The following ATP5F1E variants were observed in gnomAD, a reference collection of about 807,000 sequenced individuals.
ATP5F1E encodes ATP synthase F1 subunit epsilon, also known as ATP synthase F(1) complex subunit epsilon, mitochondrial.
ATP5F1E carries 5 observed loss-of-function variants against 7.0 expected under a neutral mutation model. That is an observed-to-expected ratio of 0.71 (90% CI 0.37 to 1.49). The LOEUF is 1.49. ATP5F1E is among the 40% of genes most tolerant of loss of function. The pLI is 0.03. For synonymous variants in ATP5F1E, 20 were observed against 20.1 expected, an observed-to-expected ratio of 0.99 and a Z score of 0.02; for missense variants, 59 against 57.1, an observed-to-expected ratio of 1.03 and a Z score of -0.11.
chr20:59,027,347 C>T lies in ATP5F1E; in HGVS notation c.*1498G>A, dbSNP rs1224412215. ...CCAATCTACCATACCATCTATATAC[C>T]AGTAATACCCCATCTGCCTCCTTAA... On this transcript the variant is annotated 3_prime_UTR_variant, in exon 3 of 3. Transcript: ENST00000243997. 1 of 151,738 alleles carries T rather than the reference C, an allele frequency of 6.6e-6. No individual in the cohort carries two copies. Among genetic ancestry groups the T allele is most frequent in the African/African-American group, 2.4e-5 (1 of 41,220 alleles). 9.4% of individuals were successfully genotyped at this position (151,738 alleles called of 1,614,324 possible).
In ATP5F1E at chr20:59,028,421, G is replaced by A. The variant is rs2092005993; in HGVS notation, c.*424C>T. On this transcript the variant is annotated 3_prime_UTR_variant, in exon 3 of 3. Coordinates refer to ENST00000243997, the MANE Select transcript of ATP5F1E (RefSeq NM_006886.4). Reference sequence around the variant, plus strand: ...ATTTCCATTTGTTACTGATAACCATGTCATTATTCTGACATGACAACAATT... The same window carrying A: ...ATTTCCATTTGTTACTGATAACCATATCATTATTCTGACATGACAACAATT... 6.6e-6 allele frequency: 1 copy of A among 152,122 alleles called. No homozygotes were observed. Among genetic ancestry groups the A allele is most frequent in the Admixed American group, 6.5e-5 (1 of 15,286 alleles). 9.4% of individuals were successfully genotyped at this position (152,122 alleles called of 1,614,324 possible). A position where few individuals can be genotyped will look rare whatever the true frequency, so the allele number is the denominator to read the frequency against.
In ATP5F1E at chr20:59,028,403, T is replaced by C. The variant is rs986203443; in HGVS notation, c.*442A>G. On this transcript the variant is annotated 3_prime_UTR_variant, in exon 3 of 3. Coordinates refer to ENST00000243997, the MANE Select transcript of ATP5F1E (RefSeq NM_006886.4). ...TTTTAGTATTTAATAATTATTTCCA[T>C]TTGTTACTGATAACCATGTCATTAT... 2 of 152,258 alleles carry C rather than the reference T, an allele frequency of 1.3e-5. No homozygotes were observed. The highest frequency in any genetic ancestry group is 2.4e-5 in the African/African-American group (1 of 41,472). 9.4% of individuals were successfully genotyped at this position (152,258 alleles called of 1,614,324 possible). A position where few individuals can be genotyped will look rare whatever the true frequency, so the allele number is the denominator to read the frequency against.
At position 59,025,484 on chromosome 20, in the gene ATP5F1E, C is replaced by T. The variant is rs562596742; in HGVS notation, c.*3361G>A. On this transcript the variant is annotated 3_prime_UTR_variant, in exon 3 of 3. Coordinates refer to ENST00000243997, the MANE Select transcript of ATP5F1E (RefSeq NM_006886.4). ...AGCAAAACTAAAGAACTGCAGTCTT[C>T]TGATCTTTATTTCTGAAGAGCTAGC... The T allele has an allele frequency of 4.6e-5, 7 of 152,924 alleles. No individual in the cohort carries two copies. The highest frequency in any genetic ancestry group is 1.7e-4 in the African/African-American group (7 of 41,586). 9.5% of individuals were successfully genotyped at this position (152,924 alleles called of 1,614,324 possible).
rs2092003255 is a variant in ATP5F1E at position 59,027,963 on chromosome 20, C to T, written c.*882G>A. On this transcript the variant is annotated 3_prime_UTR_variant, in exon 3 of 3. Coordinates refer to ENST00000243997, the MANE Select transcript of ATP5F1E (RefSeq NM_006886.4). Reference sequence around the variant, plus strand: ...TCCAGTTCAAATTTATTTCTCCAGTCTCCAAAAACAGTTAAAATCAGGCAG... The same window carrying T: ...TCCAGTTCAAATTTATTTCTCCAGTTTCCAAAAACAGTTAAAATCAGGCAG... 6.6e-6 allele frequency: 1 copy of T among 152,228 alleles called. No individual in the cohort carries two copies. The highest frequency in any genetic ancestry group is 2.1e-4 in the South Asian group (1 of 4,836). 9.4% of individuals were successfully genotyped at this position (152,228 alleles called of 1,614,324 possible).
In ATP5F1E at chr20:59,032,289, AAGACGCCGGCAATGTCGGCTC is replaced by A. The variant is rs746554318; in HGVS notation, c.-59_-39del. On this transcript the variant is annotated 5_prime_UTR_variant, in exon 1 of 3. Transcript: ENST00000243997. ...GCGGAGCTCGTCGGGCCGAATCGCC[AAGACGCCGGCAATGTCGGCTC>A]AGCCGGGCGGTTCAGCCGCAGGAAG... The A allele has an allele frequency of 1.3e-6, 2 of 1,591,478 alleles. No individual in the cohort carries two copies. The highest frequency in any genetic ancestry group is 1.7e-6 in the Non-Finnish European group (2 of 1,169,316).
In ATP5F1E at chr20:59,032,201, T is replaced by A; in HGVS notation, c.32+19A>T. The A allele has an allele frequency of 6.4e-7, 1 of 1,569,340 alleles. No homozygotes were observed. The highest frequency in any genetic ancestry group is 8.6e-7 in the Non-Finnish European group (1 of 1,159,634). Reference sequence around the variant, plus strand: ...CGGGCCGGCTCGCGAAGCCCTTCCCTCTGGAGGCCTGGGCCTACCTGAGTC... The same window carrying A: ...CGGGCCGGCTCGCGAAGCCCTTCCCACTGGAGGCCTGGGCCTACCTGAGTC... On this transcript the variant is annotated intron_variant, in intron 1 of 2. Transcript: ENST00000243997.
At chr20:59,029,615 A>G (rs1340828483) in intron 2 of ATP5F1E, 1 of 152,294 alleles carries the variant, frequency 6.6e-6, no homozygotes, top group African/African-American at 2.4e-5. Context: ...ATGTCAAGAA[A>G]GTACTTTAGA....
At chr20:59,029,032 GAGTAAA>G (rs1382062818) in intron 2 of ATP5F1E, 191 bp from the exon 3 acceptor site, 1 of 152,464 alleles carries the variant, frequency 6.6e-6, no homozygotes, top group Non-Finnish European at 1.5e-5. Context: ...TTTTCCTGCT[GAGTAAA>G]AGTAAACACT....
Position 59,028,358 on chromosome 20 carries a change from TTTC to T in ATP5F1E, c.*484_*486del, listed in dbSNP as rs139415085. On this transcript the variant is annotated 3_prime_UTR_variant, in exon 3 of 3. Coordinates refer to ENST00000243997, the MANE Select transcript of ATP5F1E (RefSeq NM_006886.4). ...AATACAAAACAAGTACAATTTAGTA[TTTC>T]TTCTTCTAATCTACACTTTTAGTAT... 9.4e-3 allele frequency: 1,437 copies of T among 152,232 alleles called. 26 individuals carry two copies. The highest frequency in any genetic ancestry group is 0.033 in the African/African-American group (1,359 of 41,504). The allele number at this position is 152,232 out of a possible 1,614,324, so 9.4% of individuals were successfully genotyped here. A position where few individuals can be genotyped will look rare whatever the true frequency, so the allele number is the denominator to read the frequency against.
At chr20:59,030,464 A>C in intron 1 of ATP5F1E, 35 bp from the exon 2 acceptor site, 1 of 1,611,766 alleles carries the variant, frequency 6.2e-7, no homozygotes, top group Non-Finnish European at 8.5e-7. Flanking sequence ...ATGGTTAATT[A>C]TCAATATTCC....
At chr20:59,031,976 CTG>C (rs2092034796) in intron 1 of ATP5F1E, among the ~76,000 whole-genome samples, 1 of 152,274 alleles carries the variant, frequency 6.6e-6, no homozygotes. Context: ...CAGGGGCACT[CTG>C]TGGGTGCTGG....
At position 59,025,938 on chromosome 20, in the gene ATP5F1E, ATT is replaced by A. The variant is rs1400523896; in HGVS notation, c.*2905_*2906del. ...GTAACTTCTTAATTACAGTTTACCTATTTCTGACATGCAGCACTGCCATCTCT... is the reference window on the plus strand; with the variant it reads ...GTAACTTCTTAATTACAGTTTACCTATCTGACATGCAGCACTGCCATCTCT... On this transcript the variant is annotated 3_prime_UTR_variant, in exon 3 of 3. Coordinates refer to ENST00000243997, the MANE Select transcript of ATP5F1E (RefSeq NM_006886.4). The A allele has an allele frequency of 6.6e-6, 1 of 152,224 alleles. No individual in the cohort carries two copies. The highest frequency in any genetic ancestry group is 2.4e-5 in the African/African-American group (1 of 41,456). 9.4% of individuals were successfully genotyped at this position (152,224 alleles called of 1,614,324 possible).
chr20:59,032,319 G>T lies in ATP5F1E; in HGVS notation c.-68C>A, dbSNP rs1294224447. On this transcript the variant is annotated 5_prime_UTR_variant, in exon 1 of 3. Transcript: ENST00000243997. ...GCCGGCAATGTCGGCTCAGCCGGGCGGTTCAGCCGCAGGAAGATCAGACCA... is the reference window on the plus strand; with the variant it reads ...GCCGGCAATGTCGGCTCAGCCGGGCTGTTCAGCCGCAGGAAGATCAGACCA... The T allele has an allele frequency of 1.3e-6, 2 of 1,560,802 alleles. No individual in the cohort carries two copies. Among genetic ancestry groups the T allele is most frequent in the Admixed American group, 3.8e-5 (2 of 52,350 alleles).
chr20:59,031,122 G>A (rs1018770789), intron 1 of ATP5F1E, among the ~76,000 whole-genome samples: 9 of 152,156 alleles, frequency 5.9e-5, no homozygotes, highest in African/African-American at 2.2e-4. Context: ...AACAGGAAGC[G>A]GGGAGGGGTG....
chr20:59,026,956 T>C lies in ATP5F1E; in HGVS notation c.*1889A>G, dbSNP rs1037222654. On this transcript the variant is annotated 3_prime_UTR_variant, in exon 3 of 3. Coordinates refer to ENST00000243997, the MANE Select transcript of ATP5F1E (RefSeq NM_006886.4). ...ATCCAACTAATTAGTGGGATACTCA[T>C]TAAGTTGGTCTGACTGGGGTCACCT... 1 of 152,228 alleles carries C rather than the reference T, an allele frequency of 6.6e-6. No homozygotes were observed. Among genetic ancestry groups the C allele is most frequent in the African/African-American group, 2.4e-5 (1 of 41,460 alleles). The allele number at this position is 152,228 out of a possible 1,614,324, so 9.4% of individuals were successfully genotyped here. A position where few individuals can be genotyped will look rare whatever the true frequency, so the allele number is the denominator to read the frequency against.
chr20:59,032,206 A>T lies in ATP5F1E; in HGVS notation c.32+14T>A, dbSNP rs367951893. On this transcript the variant is annotated intron_variant, in intron 1 of 2. Coordinates refer to ENST00000243997, the MANE Select transcript of ATP5F1E (RefSeq NM_006886.4). The stretch of plus-strand genomic sequence containing the variant: ...CGGCTCGCGAAGCCCTTCCCTCTGG[A>T]GGCCTGGGCCTACCTGAGTCCAGCC... 4.5e-5 allele frequency: 71 copies of T among 1,573,860 alleles called. No homozygotes were observed. Among genetic ancestry groups the T allele is most frequent in the Non-Finnish European group, 5.9e-5 (68 of 1,161,940 alleles).
chr20:59,031,035 C>T (rs1212788027), intron 1 of ATP5F1E, among the ~76,000 whole-genome samples: 1 of 152,214 alleles, frequency 6.6e-6, no homozygotes, highest in Non-Finnish European at 1.5e-5. Flanking sequence ...GTAAAACCTG[C>T]TTCCTGTTTG....
intron 2 of ATP5F1E, 175 bp from the exon 3 acceptor site, chr20:59,029,016 C>T (rs924813056): frequency 2.6e-5 from 4 of 152,994 alleles, no homozygotes; most frequent in African/African-American, 9.7e-5. Context: ...CTTAGTCAAG[C>T]AGGCATTTTC....
At position 59,028,720 on chromosome 20, in the gene ATP5F1E, C is replaced by T. The variant is rs534883569; in HGVS notation, c.*125G>A. 7.2e-5 allele frequency: 12 copies of T among 167,170 alleles called. No homozygotes were observed. Among genetic ancestry groups the T allele is most frequent in the African/African-American group, 2.9e-4 (12 of 41,500 alleles). 10.4% of individuals were successfully genotyped at this position (167,170 alleles called of 1,614,324 possible). A position where few individuals can be genotyped will look rare whatever the true frequency, so the allele number is the denominator to read the frequency against. ...CCATATTTCAATTTATTGACATTGT[C>T]AATTTATGAACAAGACAGGATTTTT... On this transcript the variant is annotated 3_prime_UTR_variant, in exon 3 of 3. Transcript: ENST00000243997.
Sources: gnomAD v4.1 joint callset for allele counts (sites outside exome capture counted in the v4.1 genomes callset) on GRCh38, gnomAD v4.1.1 for gene constraint, MANE v1.5 for transcripts, NCBI Gene and HGNC (gene_info 2026-07-23, HGNC 2026-07-21) for gene names.